The following RARB variants were observed in gnomAD, a reference collection of about 807,000 sequenced individuals.
The protein encoded by RARB is retinoic acid receptor beta.
A neutral mutation model predicts 51.9 loss-of-function variants in RARB; 17 were observed. The observed-to-expected ratio is 0.33, with a 90% confidence interval of 0.22 to 0.49. The LOEUF (loss-of-function observed/expected upper bound fraction) is 0.49, where lower values mean the gene tolerates loss of function less well. Ranked by LOEUF, RARB falls within the 20% of genes least tolerant of loss-of-function variation. RARB has a pLI of 0.99. For missense variants in RARB, 369 were observed against 550.8 expected, an observed-to-expected ratio of 0.67 and a Z score of 3.30; for synonymous variants, 215 against 195.4, an observed-to-expected ratio of 1.10 and a Z score of -0.84.
In RARB at chr3:25,073,401, AAGGATGCACCTC is replaced by A. The variant is rs1698809979; in HGVS notation, c.-328+13228_-328+13239del. Among the ~76,000 whole-genome samples the A allele has an allele frequency of 2.6e-5, 4 of 152,222 alleles. No individual in the cohort carries two copies. The South Asian group carries it at 8.3e-4, about 31-fold the overall frequency. ...AATCTCTATGTTAGGATGTTGTCCCAAGGATGCACCTCAGAACATTAGTTCTGCAAGACAGTG... is the reference window on the plus strand; with the variant it reads ...AATCTCTATGTTAGGATGTTGTCCCAAGAACATTAGTTCTGCAAGACAGTG... On this transcript the variant is annotated intron_variant, in intron 3 of 11. Transcript: ENST00000383772.
chr3:25,559,536 G>A (rs555382933), intron 3 of RARB, among the ~76,000 whole-genome samples: 1 of 152,322 alleles, frequency 6.6e-6, no homozygotes, highest in African/African-American at 2.4e-5. Flanking sequence ...TTACTAGAAT[G>A]TGAATCTCTT....
intron 2 of RARB, among the ~76,000 whole-genome samples, chr3:25,478,448 C>A (rs752424823): frequency 6.6e-6 from 1 of 152,144 alleles, no homozygotes; most frequent in Non-Finnish European, 1.5e-5. Flanking sequence ...TCTGTGCCCT[C>A]GGAAGACTAG....
chr3:25,293,632 A>G (rs1379942338), intron 5 of RARB, among the ~76,000 whole-genome samples: 1 of 151,378 alleles, frequency 6.6e-6, no homozygotes, highest in Non-Finnish European at 1.5e-5. Context: ...CAGAGATAGG[A>G]AGCAGCTGTC....
intron 5 of RARB, among the ~76,000 whole-genome samples, chr3:25,367,021 G>A (rs563086355): frequency 2.2e-4 from 34 of 152,212 alleles, no homozygotes; most frequent in African/African-American, 7.9e-4. Context: ...TAAACAGGCA[G>A]CCTGTCTCAT....
intron 2 of RARB, among the ~76,000 whole-genome samples, chr3:24,970,992 C>G (rs1390625618): frequency 1.3e-5 from 2 of 151,976 alleles, no homozygotes; most frequent in African/African-American, 4.8e-5. Flanking sequence ...ACTAGTTCTT[C>G]ATCTTGGTGC....
chr3:25,099,859 C>T (rs1251095337), intron 3 of RARB, among the ~76,000 whole-genome samples: 3 of 152,088 alleles, frequency 2.0e-5, no homozygotes, highest in African/African-American at 7.2e-5. Context: ...TGTGCAGTCC[C>T]CTGACTGGGA....
chr3:25,505,817 A>G (rs554410432), intron 3 of RARB, among the ~76,000 whole-genome samples: 1 of 152,174 alleles, frequency 6.6e-6, no homozygotes, highest in East Asian at 1.9e-4. Context: ...TCAGAAGAGG[A>G]AAGCATGTGG....
At chr3:24,922,156 C>G (rs1361349363) in intron 2 of RARB, among the ~76,000 whole-genome samples, 1 of 152,202 alleles carries the variant, frequency 6.6e-6, no homozygotes, top group East Asian at 1.9e-4. Flanking sequence ...AGTGTTAACA[C>G]AAGCTGTAGC....
At chr3:25,573,181 T>C (rs1700778157) in intron 4 of RARB, among the ~76,000 whole-genome samples, 1 of 152,120 alleles carries the variant, frequency 6.6e-6, no homozygotes, top group South Asian at 2.1e-4. Flanking sequence ...CTGGCCGCCT[T>C]CCTTCCCTGC....
intron 3 of RARB, among the ~76,000 whole-genome samples, chr3:25,074,695 T>C (rs1698835858): frequency 6.6e-6 from 1 of 152,206 alleles, no homozygotes; most frequent in Admixed American, 6.5e-5. Flanking sequence ...CTACTTACTA[T>C]GCATGCTGCA....
At chr3:25,257,061 G>A (rs1394582642) in intron 5 of RARB, among the ~76,000 whole-genome samples, 1 of 152,138 alleles carries the variant, frequency 6.6e-6, no homozygotes, top group Non-Finnish European at 1.5e-5. Context: ...GCTCATCAAT[G>A]TAGAGTTATG....
chr3:25,588,368 A>G (rs773481308), intron 5 of RARB, among the ~76,000 whole-genome samples: 1 of 152,208 alleles, frequency 6.6e-6, no homozygotes, highest in African/African-American at 2.4e-5. Context: ...TTTGATTAGG[A>G]GAAGTCAAAG....
chr3:25,117,448 A>G (rs1250318407), intron 3 of RARB, among the ~76,000 whole-genome samples: 4 of 152,224 alleles, frequency 2.6e-5, no homozygotes, highest in Admixed American at 2.6e-4. Flanking sequence ...GGCCCAATCA[A>G]AGAGCACTCA....
chr3:24,928,353 A>ATG (rs1364622111), intron 2 of RARB, among the ~76,000 whole-genome samples: 1 of 152,026 alleles, frequency 6.6e-6, no homozygotes, highest in Non-Finnish European at 1.5e-5. Context: ...TACTTACATT[A>ATG]AAATATAACC....
intron 3 of RARB, among the ~76,000 whole-genome samples, chr3:25,064,027 G>T (rs576054407): frequency 3.3e-5 from 5 of 151,900 alleles, no homozygotes; most frequent in Admixed American, 6.6e-5. Context: ...AGACAGAGAA[G>T]GGATTACAAA....
chr3:25,155,928 C>T (rs1700366148), intron 4 of RARB, among the ~76,000 whole-genome samples: 2 of 152,172 alleles, frequency 1.3e-5, no homozygotes, highest in South Asian at 4.1e-4. Context: ...ACTTAAAACC[C>T]CCTCCATTGA....
chr3:25,045,103 C>T (rs145549454), intron 2 of RARB, among the ~76,000 whole-genome samples: 150 of 152,264 alleles, frequency 9.9e-4, no homozygotes, highest in Admixed American at 2.9e-3. Flanking sequence ...TTGAGAGGAG[C>T]GGAAGATGTC....
intron 5 of RARB, among the ~76,000 whole-genome samples, chr3:25,348,825 T>A (rs952644921): frequency 2.0e-5 from 3 of 152,208 alleles, no homozygotes; most frequent in African/African-American, 4.8e-5. Flanking sequence ...GGTTTGTAAC[T>A]CCCAAAGTTT....
At chr3:24,845,678 C>G (rs1223470634) in intron 1 of RARB, among the ~76,000 whole-genome samples, 1 of 152,076 alleles carries the variant, frequency 6.6e-6, no homozygotes, top group Non-Finnish European at 1.5e-5. Flanking sequence ...TTTCTTTTTT[C>G]TGTTTCTCCT....
Sources: allele counts gnomAD v4.1 joint callset (sites outside exome capture counted in the v4.1 genomes callset), GRCh38; gene constraint gnomAD v4.1.1; transcripts MANE v1.5; gene names NCBI Gene and HGNC (gene_info 2026-07-23, HGNC 2026-07-21).